The following CDIN1 variants were observed in gnomAD, a reference collection of about 807,000 sequenced individuals.
CDIN1 encodes CDAN1 interacting nuclease 1.
A neutral mutation model predicts 45.3 loss-of-function variants in CDIN1; 33 were observed. The ratio of observed to expected loss-of-function variants is 0.73; its 90% confidence interval spans 0.55 to 0.97. CDIN1 has a LOEUF of 0.97. Ranked by LOEUF, CDIN1 falls within the 50% of genes least tolerant of loss-of-function variation. The probability of loss-of-function intolerance (pLI) is 0.00; values close to 1 mark genes in which losing one functional copy is unlikely to be tolerated. For synonymous variants in CDIN1, 118 were observed against 124.4 expected, an observed-to-expected ratio of 0.95 and a Z score of 0.34; for missense variants, 303 against 339.4, an observed-to-expected ratio of 0.89 and a Z score of 0.84.
chr15:36,809,034 CTG>C lies in CDIN1; in HGVS notation c.*587_*588del. On this transcript the variant is annotated 3_prime_UTR_variant, in exon 11 of 11. Transcript: ENST00000566621. ...AGACCTTGATGGCAGCCTGCCTATGCTGTGTGTTTGCTATATTCAATCTTTAC... is the reference window on the plus strand; with the variant it reads ...AGACCTTGATGGCAGCCTGCCTATGCTGTGTTTGCTATATTCAATCTTTAC... The C allele has an allele frequency of 4.4e-6, 2 of 451,800 alleles. No homozygotes were observed. The highest frequency in any genetic ancestry group is 2.4e-5 in the Admixed American group (1 of 41,934). 28.0% of individuals were successfully genotyped at this position (451,800 alleles called of 1,614,324 possible).
At chr15:36,658,429 A>G (rs1234674520) in intron 5 of CDIN1, 1 of 152,260 alleles carries the variant, frequency 6.6e-6, no homozygotes, top group East Asian at 1.9e-4. Flanking sequence ...TGTCAACTGC[A>G]TGATTAAAAC....
chr15:36,692,470 G>A (rs1022852135), intron 7 of CDIN1, among the ~76,000 whole-genome samples: 2 of 152,144 alleles, frequency 1.3e-5, no homozygotes, highest in Admixed American at 6.6e-5. Context: ...GTAACGTAAT[G>A]TCTTGGAATG....
rs987295591 is a variant in CDIN1 at position 36,809,061 on chromosome 15, C to T, written c.*608C>T. On this transcript the variant is annotated 3_prime_UTR_variant, in exon 11 of 11. Transcript: ENST00000566621. ...GTGTGTTTGCTATATTCAATCTTTACGGCTTCCTGACTTCTGTGACAGTAA... is the reference window on the plus strand; with the variant it reads ...GTGTGTTTGCTATATTCAATCTTTATGGCTTCCTGACTTCTGTGACAGTAA... 46 of 397,528 alleles carry T rather than the reference C, an allele frequency of 1.2e-4. No homozygotes were observed. The highest frequency in any genetic ancestry group is 7.5e-4 in the African/African-American group (36 of 47,940). 24.6% of individuals were successfully genotyped at this position (397,528 alleles called of 1,614,324 possible).
At chr15:36,621,796 T>C (rs546384656) in intron 1 of CDIN1, among the ~76,000 whole-genome samples, 1 of 152,074 alleles carries the variant, frequency 6.6e-6, no homozygotes. Flanking sequence ...CCATTCAAAA[T>C]TGTGTGAAGG....
chr15:36,794,420 C>T (rs77477759), intron 10 of CDIN1, among the ~76,000 whole-genome samples: 25,812 of 152,106 alleles, frequency 0.17, 2,382 homozygotes, highest in Non-Finnish European at 0.21. Context: ...TTTTATCTCG[C>T]AAAACAAACC....
chr15:36,705,455 G>A (rs961953090), intron 8 of CDIN1: 1 of 152,076 alleles, frequency 6.6e-6, no homozygotes, highest in Non-Finnish European at 1.5e-5. Flanking sequence ...GGTCTGCTGG[G>A]ACCAACTGCA....
rs1312916195 is a variant in CDIN1 at position 36,618,209 on chromosome 15, T to C, written c.102-26069T>C. 5.9e-6 allele frequency: 4 copies of C among 676,802 alleles called. No homozygotes were observed. In the East Asian group the frequency reaches 7.5e-5, roughly 13 times the overall value. 41.9% of individuals were successfully genotyped at this position (676,802 alleles called of 1,614,324 possible). A position where few individuals can be genotyped will look rare whatever the true frequency, so the allele number is the denominator to read the frequency against. Reference sequence around the variant, plus strand: ...GGGTCGACCATTCCAAAAAAAAACCTGAAGCCTCATTTTAGGTCATCCAGT... The same window carrying C: ...GGGTCGACCATTCCAAAAAAAAACCCGAAGCCTCATTTTAGGTCATCCAGT... On this transcript the variant is annotated intron_variant, in intron 1 of 10. Transcript: ENST00000566621.
chr15:36,759,807 G>A (rs1170626900), intron 10 of CDIN1, among the ~76,000 whole-genome samples: 1 of 152,166 alleles, frequency 6.6e-6, no homozygotes, highest in Non-Finnish European at 1.5e-5. Flanking sequence ...TCACATGGCA[G>A]CAGGAGAGAG....
chr15:36,670,882 T>C (rs1036448226), intron 5 of CDIN1, among the ~76,000 whole-genome samples: 1 of 152,130 alleles, frequency 6.6e-6, no homozygotes, highest in Non-Finnish European at 1.5e-5. Context: ...GTTTAGACTT[T>C]TAGCATTTTT....
chr15:36,794,878 A>G (rs953693128), intron 10 of CDIN1, among the ~76,000 whole-genome samples: 2 of 152,218 alleles, frequency 1.3e-5, no homozygotes, highest in African/African-American at 4.8e-5. Context: ...TATAGAATCA[A>G]CCTAAGTGTC....
chr15:36,704,330 G>A (rs990362094), intron 8 of CDIN1: 3 of 152,024 alleles, frequency 2.0e-5, no homozygotes, highest in Non-Finnish European at 2.9e-5. Flanking sequence ...TGAAACTAAC[G>A]GCTATAATGA....
intron 10 of CDIN1, among the ~76,000 whole-genome samples, chr15:36,758,895 T>C (rs2053681805): frequency 6.6e-6 from 1 of 152,142 alleles, no homozygotes; most frequent in African/African-American, 2.4e-5. Context: ...ACCAAATAGG[T>C]TGCCTAATGC....
At chr15:36,585,996 T>C (rs1183969586) in intron 1 of CDIN1, among the ~76,000 whole-genome samples, 2 of 152,180 alleles carry the variant, frequency 1.3e-5, no homozygotes, top group Non-Finnish European at 2.9e-5. Context: ...TCTTTTATCA[T>C]GAGCTCATTC....
chr15:36,597,377 T>G (rs1248403126), intron 1 of CDIN1, among the ~76,000 whole-genome samples: 2 of 152,158 alleles, frequency 1.3e-5, no homozygotes, highest in Admixed American at 6.5e-5. Context: ...ATACACAACC[T>G]CTCTACCACC....
chr15:36,631,074 A>G (rs1046506148), intron 1 of CDIN1, among the ~76,000 whole-genome samples: 5 of 152,364 alleles, frequency 3.3e-5, no homozygotes, highest in East Asian at 1.9e-4. Context: ...GCAAAAGAAA[A>G]CTAGTATTTT....
intron 10 of CDIN1, among the ~76,000 whole-genome samples, chr15:36,731,752 G>T (rs1201218722): frequency 6.6e-6 from 1 of 152,092 alleles, no homozygotes; most frequent in East Asian, 1.9e-4. Flanking sequence ...ATGAAAACCT[G>T]CCTGTCTGGC....
chr15:36,604,628 A>G (rs1246890863), intron 1 of CDIN1, among the ~76,000 whole-genome samples: 1 of 152,206 alleles, frequency 6.6e-6, no homozygotes, highest in Non-Finnish European at 1.5e-5. Flanking sequence ...TAGTACACTC[A>G]GAAGAAAGTA....
At chr15:36,633,257 G>T (rs536360282) in intron 1 of CDIN1, among the ~76,000 whole-genome samples, 123 of 152,142 alleles carry the variant, frequency 8.1e-4, no homozygotes, top group Middle Eastern at 3.4e-3. Flanking sequence ...ACTGTTATAC[G>T]TTTTCTTTTC....
chr15:36,791,711 T>C (rs12903299), intron 10 of CDIN1, among the ~76,000 whole-genome samples: 121,597 of 152,020 alleles, frequency 0.8, 51,619 homozygotes, highest in East Asian at 0.95. Flanking sequence ...CATATTTATC[T>C]TCCTGTTTCC....
Sources: allele counts gnomAD v4.1 joint callset (sites outside exome capture counted in the v4.1 genomes callset), GRCh38; gene constraint gnomAD v4.1.1; transcripts MANE v1.5; gene names NCBI Gene and HGNC (gene_info 2026-07-23, HGNC 2026-07-21).